DMD: variants seen among roughly 807,000 people sequenced by gnomAD.
DMD encodes mutant dystrophin.
Under a neutral mutation model 330.1 loss-of-function variants are expected in DMD, and 63 were observed. The observed-to-expected ratio is 0.19, with a 90% CI of 0.16 to 0.24. The LOEUF (loss-of-function observed/expected upper bound fraction) is 0.24. Among genes scored for constraint, DMD ranks in the 10% least tolerant of loss-of-function variants. The pLI, the probability that DMD is intolerant of heterozygous loss-of-function variation, is 1.00. For synonymous variants in DMD, 1,223 were observed against 959.8 expected, an observed-to-expected ratio of 1.27 and a Z score of -5.07; for missense variants, 3,344 against 2,684.1, an observed-to-expected ratio of 1.25 and a Z score of -5.43.
intron 50 of DMD, among the ~76,000 whole-genome samples, chrX:31,805,182 T>C (rs1164724644): frequency 8.9e-6 from 1 of 111,915 alleles, no homozygotes; most frequent in Non-Finnish European, 1.9e-5. Flanking sequence ...TGGCTTCTTA[T>C]CCCCCTGATG....
intron 55 of DMD, among the ~76,000 whole-genome samples, chrX:31,517,594 G>T (rs2072349935): frequency 2.7e-5 from 3 of 111,023 alleles, no homozygotes; most frequent in South Asian, 7.8e-4. Context: ...TTATTGGGAG[G>T]ATGGTGTTCA....
chrX:32,403,071 G>A (rs750090979), intron 30 of DMD, among the ~76,000 whole-genome samples: 5 of 111,322 alleles, frequency 4.5e-5, no homozygotes, highest in African/African-American at 1.6e-4. Context: ...GAACTTTAGT[G>A]GTTAGAGAAT....
intron 53 of DMD, among the ~76,000 whole-genome samples, chrX:31,664,026 T>A (rs1422704188): frequency 3.6e-5 from 4 of 111,629 alleles, no homozygotes; most frequent in Non-Finnish European, 7.5e-5. Flanking sequence ...GCTAAGTAAC[T>A]CTGAAATTCT....
At chrX:31,305,471 C>T (rs3992081) in intron 62 of DMD, among the ~76,000 whole-genome samples, 9,535 of 111,223 alleles carry the variant, frequency 0.086, 622 homozygotes, top group Admixed American at 0.2. Context: ...AATGCATCAG[C>T]AAGACCTGTG....
chrX:31,245,855 G>A (rs148792621), intron 63 of DMD, among the ~76,000 whole-genome samples: 1,565 of 110,948 alleles, frequency 0.014, 35 homozygotes, highest in African/African-American at 0.048. Context: ...TTCCTGTTCT[G>A]AGACACAACA....
intron 55 of DMD, among the ~76,000 whole-genome samples, chrX:31,624,737 C>A (rs1362090860): frequency 9.0e-6 from 1 of 111,442 alleles, no homozygotes; most frequent in Non-Finnish European, 1.9e-5. Context: ...GATTGCTATA[C>A]AGCATGAATC....
chrX:32,352,586 A>T (rs780750215), intron 37 of DMD, among the ~76,000 whole-genome samples: 7 of 111,175 alleles, frequency 6.3e-5, no homozygotes, highest in Non-Finnish European at 1.3e-4. Context: ...CCACCTTATT[A>T]GGCAGTATAG....
intron 44 of DMD, among the ~76,000 whole-genome samples, chrX:32,164,732 T>C (rs1389528895): frequency 2.7e-5 from 3 of 110,986 alleles, no homozygotes; most frequent in East Asian, 5.7e-4. Flanking sequence ...GAGACCTTCA[T>C]TGCGGCTCCT....
chrX:33,142,111 G>T (rs1214292207), intron 1 of DMD, among the ~76,000 whole-genome samples: 1 of 112,274 alleles, frequency 8.9e-6, no homozygotes, highest in African/African-American at 3.2e-5. Context: ...TTGAGATGGA[G>T]TTTCACTCTT....
intron 7 of DMD, among the ~76,000 whole-genome samples, chrX:32,766,856 CCAT>C (rs1272050672): frequency 1.8e-5 from 2 of 111,381 alleles, no homozygotes; most frequent in Non-Finnish European, 3.8e-5. Context: ...ATAAATTCTA[CCAT>C]CACTTTGTAT....
rs1405528952 is a variant in DMD at position 32,211,618 on chromosome X, T to C, written c.6438+5298A>G. On this transcript the variant is annotated intron_variant, in intron 44 of 78. Coordinates refer to ENST00000357033, the MANE Select transcript of DMD (RefSeq NM_004006.3). ...ACACACTGGTGTTTCGCTCCCCATG[T>C]CTGCTTAACATTTGTTGATTTAAAG... 2.7e-5 allele frequency among the ~76,000 whole-genome samples: 3 copies of C among 111,894 alleles called. No individual in the cohort carries two copies. In the East Asian group the frequency reaches 8.4e-4, roughly 31 times the overall value.
chrX:31,950,373 T>C (rs2095144340), intron 45 of DMD, among the ~76,000 whole-genome samples: 2 of 111,495 alleles, frequency 1.8e-5, no homozygotes, highest in South Asian at 7.3e-4. Context: ...TTCAAGCCTG[T>C]TGAGTGTATT....
intron 4 of DMD, among the ~76,000 whole-genome samples, chrX:32,826,679 T>C (rs2078718341): frequency 9.0e-6 from 1 of 111,462 alleles, no homozygotes; most frequent in South Asian, 3.8e-4. Flanking sequence ...AAAATGTTGG[T>C]TAGCAGGGGA....
intron 2 of DMD, among the ~76,000 whole-genome samples, chrX:32,992,392 G>A (rs887627281): frequency 9.0e-6 from 1 of 111,397 alleles, no homozygotes; most frequent in African/African-American, 3.3e-5. Flanking sequence ...TTGCACTAAA[G>A]TCTACATGCC....
chrX:32,394,930 A>AAAAAAAAT (rs2098033096), intron 30 of DMD, among the ~76,000 whole-genome samples: 1 of 89,383 alleles, frequency 1.1e-5, no homozygotes, highest in Non-Finnish European at 2.2e-5. Context: ...AAAAAAAAAA[A>AAAAAAAAT]AAAGAAAAGA....
chrX:31,511,272 T>TATAATATAAC (rs2071525774), intron 55 of DMD, among the ~76,000 whole-genome samples: 1 of 105,406 alleles, frequency 9.5e-6, no homozygotes, highest in Admixed American at 1.0e-4. Context: ...CATAACATAA[T>TATAATATAAC]ATAATACTAC....
intron 9 of DMD, among the ~76,000 whole-genome samples, chrX:32,696,748 T>C (rs2063685423): frequency 9.0e-6 from 1 of 111,095 alleles, no homozygotes; most frequent in Non-Finnish European, 1.9e-5. Flanking sequence ...GAGGTGGCAC[T>C]TATTCCTTAA....
chrX:32,686,187 A>G, intron 9 of DMD, among the ~76,000 whole-genome samples: 1 of 111,781 alleles, frequency 8.9e-6, no homozygotes, highest in Non-Finnish European at 1.9e-5. Flanking sequence ...CACAATATGC[A>G]AGGATATGTG....
At chrX:33,033,705 G>A (rs187257776) in intron 1 of DMD, among the ~76,000 whole-genome samples, 11 of 109,352 alleles carry the variant, frequency 1.0e-4, no homozygotes, top group African/African-American at 3.0e-4. Context: ...GCGACAGAGC[G>A]AGACTCCGTC....
Sources: gnomAD v4.1 joint callset for allele counts (sites outside exome capture counted in the v4.1 genomes callset) on GRCh38, gnomAD v4.1.1 for gene constraint, MANE v1.5 for transcripts, NCBI Gene and HGNC (gene_info 2026-07-23, HGNC 2026-07-21) for gene names.